Variants in SPMAP2L observed in about 807,000 individuals in gnomAD.
The protein encoded by SPMAP2L is sperm microtubule associated protein 2-like.
the SPMAP2L span, chr4:56,594,731 C>G: frequency 6.8e-7 from 1 of 1,463,502 alleles, no homozygotes; most frequent in Non-Finnish European, 9.6e-7. Flanking sequence ...CAAGGAGAAC[C>G]TAGCAGCCAT....
At chr4:56,598,539 T>G in the SPMAP2L span, among the ~76,000 whole-genome samples, 1 of 151,928 alleles carries the variant, frequency 6.6e-6, no homozygotes, top group African/African-American at 2.4e-5. Context: ...AAGAATGTGA[T>G]GTATGAGTCT....
At chr4:56,567,469 T>TTTTTTTTTTC in the SPMAP2L span, among the ~76,000 whole-genome samples, 1 of 108,782 alleles carries the variant, frequency 9.2e-6, no homozygotes, top group Non-Finnish European at 1.9e-5. Flanking sequence ...TTTTTTTTTT[T>TTTTTTTTTTC]AGTAGAGACA....
chr4:56,552,457 C>CT, the SPMAP2L span: 41 of 709,842 alleles, frequency 5.8e-5, no homozygotes, highest in African/African-American at 1.1e-4. Flanking sequence ...GGTTTTAGTT[C>CT]TTTTTTTTCC....
the SPMAP2L span, among the ~76,000 whole-genome samples, chr4:56,586,663 A>T: frequency 6.6e-6 from 1 of 152,172 alleles, no homozygotes; most frequent in Non-Finnish European, 1.5e-5. Flanking sequence ...TGTGGCTTAG[A>T]CCTTTCTTGT....
At chr4:56,588,310 T>G in the SPMAP2L span, among the ~76,000 whole-genome samples, 1 of 152,254 alleles carries the variant, frequency 6.6e-6, no homozygotes, top group South Asian at 2.1e-4. Flanking sequence ...CAAAAGCTCT[T>G]TAGTTTAATT....
At chr4:56,554,044 T>C in the SPMAP2L span, among the ~76,000 whole-genome samples, 1 of 152,074 alleles carries the variant, frequency 6.6e-6, no homozygotes, top group Non-Finnish European at 1.5e-5. Flanking sequence ...GATTATATTC[T>C]ATTGATGTGG....
At chr4:56,548,638 T>A in the SPMAP2L span, among the ~76,000 whole-genome samples, 25 of 151,690 alleles carry the variant, frequency 1.6e-4, no homozygotes, top group Admixed American at 1.6e-3. Context: ...TACCTTTGGT[T>A]TATTTTGGTA....
chr4:56,579,741 T>C, the SPMAP2L span, among the ~76,000 whole-genome samples: 1 of 152,116 alleles, frequency 6.6e-6, no homozygotes, highest in South Asian at 2.1e-4. Flanking sequence ...TGCATTCCAG[T>C]CAGGGTGACA....
the SPMAP2L span, among the ~76,000 whole-genome samples, chr4:56,572,765 C>T: frequency 1.0e-3 from 151 of 151,722 alleles, no homozygotes; most frequent in Non-Finnish European, 1.8e-3. Flanking sequence ...CCTGTAATCC[C>T]AGCACTTTGG....
the SPMAP2L span, among the ~76,000 whole-genome samples, chr4:56,624,895 CT>C: frequency 6.6e-6 from 1 of 152,198 alleles, no homozygotes; most frequent in African/African-American, 2.4e-5. Flanking sequence ...TACTGGGGCA[CT>C]GCCTAGTGGA....
At chr4:56,620,173 G>A in the SPMAP2L span, among the ~76,000 whole-genome samples, 2 of 152,198 alleles carry the variant, frequency 1.3e-5, no homozygotes, top group Non-Finnish European at 2.9e-5. Flanking sequence ...CACTTCACAA[G>A]GAAAGGAAAG....
At chr4:56,546,386 T>C in the SPMAP2L span, among the ~76,000 whole-genome samples, 2 of 152,150 alleles carry the variant, frequency 1.3e-5, no homozygotes, top group African/African-American at 4.8e-5. Context: ...TGATAGCAGT[T>C]CCCAAACTTG....
chr4:56,562,623 C>G, the SPMAP2L span, among the ~76,000 whole-genome samples: 1 of 152,040 alleles, frequency 6.6e-6, no homozygotes, highest in African/African-American at 2.4e-5. Context: ...ATACCATTTG[C>G]GGTGTGTGTG....
At chr4:56,551,788 GTTTA>G in the SPMAP2L span, among the ~76,000 whole-genome samples, 2 of 152,160 alleles carry the variant, frequency 1.3e-5, no homozygotes, top group Non-Finnish European at 2.9e-5. Context: ...CACAATAAAA[GTTTA>G]TTTATTTCTC....
the SPMAP2L span, among the ~76,000 whole-genome samples, chr4:56,606,378 C>G: frequency 1.3e-5 from 2 of 152,042 alleles, no homozygotes; most frequent in Non-Finnish European, 2.9e-5. Flanking sequence ...GTTTCCTAGC[C>G]GAGGTATGGA....
At chr4:56,540,410 G>A in the SPMAP2L span, among the ~76,000 whole-genome samples, 2 of 152,230 alleles carry the variant, frequency 1.3e-5, no homozygotes, top group Non-Finnish European at 2.9e-5. Flanking sequence ...GGGAGTGGTG[G>A]TGCACGCCTG....
chr4:56,594,877 T>C, the SPMAP2L span: 41 of 1,610,522 alleles, frequency 2.5e-5, 1 homozygote, highest in African/African-American at 4.1e-4. Context: ...TCTGTCGCCC[T>C]GGAGACTTTG....
chr4:56,605,453 A>G, the SPMAP2L span, among the ~76,000 whole-genome samples: 1 of 151,928 alleles, frequency 6.6e-6, no homozygotes, highest in East Asian at 1.9e-4. Flanking sequence ...CAGAATAGAG[A>G]ACTTTGATCC....
At chr4:56,585,237 G>A in the SPMAP2L span, among the ~76,000 whole-genome samples, 2 of 152,100 alleles carry the variant, frequency 1.3e-5, no homozygotes, top group African/African-American at 4.8e-5. Flanking sequence ...TTAGATTCTG[G>A]GTCTGGTTTT....
Sources: gnomAD v4.1 joint callset for allele counts (sites outside exome capture counted in the v4.1 genomes callset) on GRCh38, gnomAD v4.1.1 for gene constraint, MANE v1.5 for transcripts, NCBI Gene and HGNC (gene_info 2026-07-23, HGNC 2026-07-21) for gene names.